Variants in ATP11C observed in about 807,000 individuals in gnomAD.
The protein encoded by ATP11C is ATPase phospholipid transporting 11C (ATP11C blood group).
A neutral mutation model predicts 97.4 loss-of-function variants in ATP11C; 36 were observed. That is an observed-to-expected ratio of 0.37 (90% CI 0.28 to 0.49). The LOEUF is 0.49. Ranked by LOEUF, ATP11C falls within the 20% of genes least tolerant of loss-of-function variation. The pLI is 0.98. For missense variants in ATP11C, 730 were observed against 824.6 expected (o/e 0.89, Z 1.40); for synonymous variants, 275 against 290.9 (o/e 0.95, Z 0.56).
intron 24 of ATP11C, among the ~76,000 whole-genome samples, chrX:139,748,947 C>G (rs1488214813): frequency 9.0e-6 from 1 of 111,708 alleles, no homozygotes; most frequent in African/African-American, 3.3e-5. Flanking sequence ...ATATTAAGGA[C>G]TTAAGTGATA....
At chrX:139,896,144 G>C (rs2084801567) in intron 1 of ATP11C, among the ~76,000 whole-genome samples, 1 of 111,399 alleles carries the variant, frequency 9.0e-6, no homozygotes, top group African/African-American at 3.3e-5. Flanking sequence ...AAAGATAACT[G>C]TACAGTGTGT....
intron 2 of ATP11C, among the ~76,000 whole-genome samples, chrX:139,825,449 T>G (rs912867459): frequency 8.9e-6 from 1 of 111,932 alleles, no homozygotes; most frequent in African/African-American, 3.3e-5. Context: ...GTAAAAGAAC[T>G]ATTCACTATT....
At position 139,783,345 on chromosome X, in the gene ATP11C, C is replaced by A. The variant is rs751465611; in HGVS notation, c.1667-78G>T. ...GTTTTAGTAAGAGTAACTTTTAAAGCGGTCTCTCTCACCCAAGTGTTGTAT... is the reference window on the plus strand; with the variant it reads ...GTTTTAGTAAGAGTAACTTTTAAAGAGGTCTCTCTCACCCAAGTGTTGTAT... On this transcript the variant is annotated intron_variant, in intron 16 of 29. Coordinates refer to ENST00000682941, the MANE Select transcript of ATP11C (RefSeq NM_001353812.2). The A allele has an allele frequency of 3.0e-6, 2 of 677,227 alleles. 1 individual carries two copies. The highest frequency in any genetic ancestry group is 5.7e-5 in the South Asian group (2 of 35,163). 55.8% of individuals were successfully genotyped at this position (677,227 alleles called of 1,213,427 possible). A position where few individuals can be genotyped will look rare whatever the true frequency, so the allele number is the denominator to read the frequency against.
intron 19 of ATP11C, among the ~76,000 whole-genome samples, chrX:139,773,264 T>G (rs941537052): frequency 9.0e-6 from 1 of 111,621 alleles, no homozygotes; most frequent in Non-Finnish European, 1.9e-5. Context: ...ATTAAACCTC[T>G]TTTTGTTCCC....
intron 5 of ATP11C, among the ~76,000 whole-genome samples, chrX:139,809,889 C>T (rs2083131669): frequency 9.0e-6 from 1 of 110,563 alleles, no homozygotes; most frequent in South Asian, 3.9e-4. Flanking sequence ...TCGCTTGAAC[C>T]CAGTAGACAG....
At chrX:139,852,033 T>A (rs2083997576) in intron 1 of ATP11C, among the ~76,000 whole-genome samples, 1 of 110,430 alleles carries the variant, frequency 9.1e-6, no homozygotes, top group Non-Finnish European at 1.9e-5. Flanking sequence ...TTAAGACTTC[T>A]GCGGTGTCAT....
rs1459648907 is a variant in ATP11C at position 139,726,892 on chromosome X, T to C, written c.*2074A>G. The C allele has an allele frequency of 8.9e-6, 1 of 111,834 alleles. No individual in the cohort carries two copies. The highest frequency in any genetic ancestry group is 1.9e-5 in the Non-Finnish European group (1 of 53,069). 9.2% of individuals were successfully genotyped at this position (111,834 alleles called of 1,213,427 possible). A position where few individuals can be genotyped will look rare whatever the true frequency, so the allele number is the denominator to read the frequency against. On this transcript the variant is annotated 3_prime_UTR_variant, in exon 30 of 30. Transcript: ENST00000682941. ...TGCTAACCCCACACTGGCCAGTTTT[T>C]AGCTCTTCAGTAAAATATCTTTTAA...
chrX:139,797,419 A>G, intron 10 of ATP11C, 93 bp from the exon 11 acceptor site: 1 of 605,254 alleles, frequency 1.7e-6, no homozygotes, highest in East Asian at 3.8e-5. Flanking sequence ...TCTGTGTACG[A>G]CGCGTAACTA....
chrX:139,884,565 CT>C (rs2084610681), intron 1 of ATP11C, among the ~76,000 whole-genome samples: 1 of 111,794 alleles, frequency 8.9e-6, no homozygotes, highest in Admixed American at 9.6e-5. Flanking sequence ...TCAGGCAATC[CT>C]CCCTCCTGGG....
intron 5 of ATP11C, among the ~76,000 whole-genome samples, chrX:139,809,450 A>G (rs2083120061): frequency 8.9e-6 from 1 of 112,255 alleles, no homozygotes; most frequent in Admixed American, 9.5e-5. Context: ...CCACTTACAT[A>G]AAGTATTGAG....
Position 139,740,313 on chromosome X carries a change from C to A in ATP11C, c.3134+678G>T, listed in dbSNP as rs191184413. Among the ~76,000 whole-genome samples, 4 of 111,636 alleles carry A rather than the reference C, an allele frequency of 3.6e-5. No homozygotes were observed. In the East Asian group the frequency reaches 1.1e-3, roughly 32 times the overall value. On this transcript the variant is annotated intron_variant, in intron 27 of 29. Coordinates refer to ENST00000682941, the MANE Select transcript of ATP11C (RefSeq NM_001353812.2). ...TCTCCCAATCACAGCTTATGTGTCCCTCACTGGACTCTATTCTCCTTGAGT... is the reference window on the plus strand; with the variant it reads ...TCTCCCAATCACAGCTTATGTGTCCATCACTGGACTCTATTCTCCTTGAGT...
intron 22 of ATP11C, among the ~76,000 whole-genome samples, chrX:139,759,601 A>T (rs1461085965): frequency 9.0e-6 from 1 of 111,699 alleles, no homozygotes; most frequent in Non-Finnish European, 1.9e-5. Context: ...CTGTCACTGA[A>T]GTACTCCGGG....
intron 24 of ATP11C, among the ~76,000 whole-genome samples, chrX:139,747,174 A>C (rs980988046): frequency 9.0e-6 from 1 of 111,396 alleles, no homozygotes; most frequent in Non-Finnish European, 1.9e-5. Flanking sequence ...CAGGTAAGGC[A>C]CCTCCGTAAA....
intron 1 of ATP11C, among the ~76,000 whole-genome samples, chrX:139,858,318 A>C (rs1443503546): frequency 8.9e-6 from 1 of 112,318 alleles, no homozygotes; most frequent in Non-Finnish European, 1.9e-5. Context: ...TTCCTTCCCT[A>C]ACACTACACC....
upstream of ATP11C, among the ~76,000 whole-genome samples, chrX:139,935,654 C>T (rs769274130): frequency 2.7e-5 from 3 of 111,500 alleles, no homozygotes; most frequent in Admixed American, 1.9e-4. Context: ...TATTTCAATA[C>T]GCCACCTATA....
chrX:139,827,170 C>T (rs1176816834), intron 1 of ATP11C, among the ~76,000 whole-genome samples: 1 of 112,047 alleles, frequency 8.9e-6, no homozygotes, highest in Non-Finnish European at 1.9e-5. Flanking sequence ...AACACACTAA[C>T]TCACGAAAGA....
chrX:139,892,617 G>T (rs2084747439), intron 1 of ATP11C, among the ~76,000 whole-genome samples: 1 of 111,867 alleles, frequency 8.9e-6, no homozygotes, highest in African/African-American at 3.3e-5. Flanking sequence ...CTTCACAGGG[G>T]ATAAACAGAG....
chrX:139,749,978 C>G (rs769446927), intron 24 of ATP11C, 47 bp downstream of exon 24: 7 of 1,124,758 alleles, frequency 6.2e-6, no homozygotes, highest in Non-Finnish European at 8.4e-6. Flanking sequence ...AAATGAAAAT[C>G]ACAACACTGA....
intron 16 of ATP11C, among the ~76,000 whole-genome samples, chrX:139,784,632 T>G (rs961340303): frequency 9.0e-6 from 1 of 110,910 alleles, no homozygotes; most frequent in Admixed American, 9.6e-5. Context: ...TCCAAAGACA[T>G]GAGGGAGCCC....
Sources: gnomAD v4.1 joint callset for allele counts (sites outside exome capture counted in the v4.1 genomes callset) on GRCh38, gnomAD v4.1.1 for gene constraint, MANE v1.5 for transcripts, NCBI Gene and HGNC (gene_info 2026-07-23, HGNC 2026-07-21) for gene names.